ESYT3: variants seen among roughly 807,000 people sequenced by gnomAD.
ESYT3 encodes the protein extended synaptotagmin 3, also known as extended synaptotagmin-3.
Under a neutral mutation model 111.5 loss-of-function variants are expected in ESYT3, and 101 were observed. That is an observed-to-expected ratio of 0.91 (90% CI 0.77 to 1.07). The LOEUF is 1.07. Among genes scored for constraint, ESYT3 ranks in the 50% least tolerant of loss-of-function variants. The probability of loss-of-function intolerance (pLI) is 0.00; values close to 1 mark genes in which losing one functional copy is unlikely to be tolerated. For missense variants in ESYT3, 1,097 were observed against 1,109.4 expected (o/e 0.99, Z 0.16); for synonymous variants, 416 against 446.8 (o/e 0.93, Z 0.87).
chr3:138,459,284 TC>T, intron 5 of ESYT3, 31 bp downstream of exon 5: 1 of 1,504,834 alleles, frequency 6.6e-7, no homozygotes. Flanking sequence ...CTGCCTCTGT[TC>T]CAGCCCCCAG....
At chr3:138,474,154 C>T in intron 19 of ESYT3, 67 bp from the exon 20 acceptor site, 1 of 1,568,398 alleles carries the variant, frequency 6.4e-7, no homozygotes, top group South Asian at 1.2e-5. Flanking sequence ...CTGAAACTCT[C>T]AAATGTTCAG....
At chr3:138,462,006 G>C in intron 7 of ESYT3, 80 bp from the exon 8 acceptor site, 1 of 1,601,558 alleles carries the variant, frequency 6.2e-7, no homozygotes, top group Non-Finnish European at 8.5e-7. Context: ...TGGGCTCCTG[G>C]TTCCTGCTAG....
chr3:138,451,925 G>A, intron 1 of ESYT3, 123 bp from the exon 2 acceptor site: 3 of 1,078,242 alleles, frequency 2.8e-6, no homozygotes, highest in East Asian at 2.4e-5. Context: ...ACGTGGAGGC[G>A]GCGGGGAGGA....
At chr3:138,439,272 C>A (rs1000443858) in intron 1 of ESYT3, among the ~76,000 whole-genome samples, 1 of 152,148 alleles carries the variant, frequency 6.6e-6, no homozygotes, top group Non-Finnish European at 1.5e-5. Flanking sequence ...CCCAAGTGTC[C>A]CAGTGGTAAG....
In ESYT3 at chr3:138,469,444, C is replaced by G. The variant is rs753939011; in HGVS notation, c.1443C>G (p.Val481=). The change falls in exon 15 of 23, where the codon GTC becomes GTG. Residue 481 remains valine, a synonymous_variant. Transcript: ENST00000389567. ...KKLSRFARNK[V]SKDPSSYVKL... Reference sequence around the variant, plus strand: ...GATTTGATTCCTCACAGAACAAGGTCAGCAAAGACCCTTCTTCCTATGTCA... The same window carrying G: ...GATTTGATTCCTCACAGAACAAGGTGAGCAAAGACCCTTCTTCCTATGTCA... 6.2e-7 allele frequency: 1 copy of G among 1,613,846 alleles called. No individual in the cohort carries two copies.
At chr3:138,462,956 C>T (rs1434563203) in intron 8 of ESYT3, among the ~76,000 whole-genome samples, 1 of 152,204 alleles carries the variant, frequency 6.6e-6, no homozygotes, top group Non-Finnish European at 1.5e-5. Context: ...AGCCACCACA[C>T]CTGTCCTTTG....
At chr3:138,452,837 G>A (rs1289702897) in intron 2 of ESYT3, among the ~76,000 whole-genome samples, 2 of 152,206 alleles carry the variant, frequency 1.3e-5, no homozygotes, top group African/African-American at 2.4e-5. Flanking sequence ...GAATGACTTA[G>A]GTTAGGTATA....
At chr3:138,442,239 G>A (rs961743169) in intron 1 of ESYT3, among the ~76,000 whole-genome samples, 1 of 151,914 alleles carries the variant, frequency 6.6e-6, no homozygotes. Context: ...CAGTATGTTT[G>A]GGTGTGCTTC....
In ESYT3 at chr3:138,472,832, A is replaced by T. The variant is rs772051164; in HGVS notation, c.2210A>T (p.Asp737Val). The stretch of plus-strand genomic sequence containing the variant: ...AACTCCTTGGCCTCTTCTTGCTTTG[A>T]CCTGGCAGATATCAGCCTCAACATT... ...SLNSLASSCF[D>V]LADISLNIEG... Residue 737 changes from aspartate (D) to valine (V), a missense_variant, in exon 18 of 23, where the codon GAC becomes GTC. Asp to Val is a radical substitution (Grantham distance 152). Coordinates refer to ENST00000389567, the MANE Select transcript of ESYT3 (RefSeq NM_031913.5). The T allele has an allele frequency of 3.7e-6, 6 of 1,613,956 alleles. No individual in the cohort carries two copies. Among genetic ancestry groups the T allele is most frequent in the Non-Finnish European group, 5.1e-6 (6 of 1,179,996 alleles).
chr3:138,437,705 G>A (rs2030824635), intron 1 of ESYT3, among the ~76,000 whole-genome samples: 1 of 152,152 alleles, frequency 6.6e-6, no homozygotes, highest in South Asian at 2.1e-4. Context: ...AGGCCAGTTG[G>A]GAAGGTGATT....
rs1339136493 is a variant in ESYT3 at position 138,476,906 on chromosome 3, A to G, written c.*52A>G. 4.7e-6 allele frequency: 7 copies of G among 1,482,244 alleles called. No individual in the cohort carries two copies. In the East Asian group the frequency reaches 1.7e-4, roughly 37 times the overall value. 91.8% of individuals were successfully genotyped at this position (1,482,244 alleles called of 1,614,324 possible). A position where few individuals can be genotyped will look rare whatever the true frequency, so the allele number is the denominator to read the frequency against. ...TATATTAAAATGTATATATATGTAT[A>G]TATTTTTTCCTTTGGATCACTTACA... On this transcript the variant is annotated 3_prime_UTR_variant, in exon 23 of 23. Coordinates refer to ENST00000389567, the MANE Select transcript of ESYT3 (RefSeq NM_031913.5).
chr3:138,468,792 T>C (rs1235256740), intron 13 of ESYT3, 27 bp from the exon 14 acceptor site: 1 of 1,614,168 alleles, frequency 6.2e-7, no homozygotes, highest in East Asian at 2.2e-5. Flanking sequence ...CCTGTGTTGC[T>C]TTAACCCCGT....
rs1210203764 is a variant in ESYT3 at position 138,467,661 on chromosome 3, G to C, written c.1218+52G>C. ...GGGAGTTTCAAGGTAGCCCTTTCCT[G>C]TGGACAGCTCCAGCAGCTTGCTTCA... On this transcript the variant is annotated intron_variant, in intron 11 of 22. Transcript: ENST00000389567. 8.3e-6 allele frequency: 13 copies of C among 1,562,334 alleles called. No individual in the cohort carries two copies. In the South Asian group the frequency reaches 1.5e-4, roughly 17 times the overall value.
At chr3:138,460,754 G>A (rs2032587270) in intron 7 of ESYT3, 88 bp downstream of exon 7, 1 of 1,360,300 alleles carries the variant, frequency 7.4e-7, no homozygotes, top group South Asian at 1.2e-5. Context: ...TGCAATGGTG[G>A]TGCTTTCCCT....
chr3:138,467,058 G>A (rs1046213773), intron 10 of ESYT3, among the ~76,000 whole-genome samples: 7 of 152,166 alleles, frequency 4.6e-5, no homozygotes, highest in African/African-American at 1.2e-4. Context: ...GGAGGGGACA[G>A]ACATCCAAAC....
rs750974339 is a variant in ESYT3 at position 138,476,877 on chromosome 3, C to T, written c.*23C>T. On this transcript the variant is annotated 3_prime_UTR_variant, in exon 23 of 23. Coordinates refer to ENST00000389567, the MANE Select transcript of ESYT3 (RefSeq NM_031913.5). ...TGATGATGAGAATTCTTATCACTCA[C>T]CTTTATATTAAAATGTATATATATG... 3.7e-6 allele frequency: 6 copies of T among 1,606,156 alleles called. No individual in the cohort carries two copies. Among genetic ancestry groups the T allele is most frequent in the East Asian group, 2.2e-5 (1 of 44,840 alleles).
intron 3 of ESYT3, among the ~76,000 whole-genome samples, chr3:138,456,930 C>T (rs904088343): frequency 3.9e-5 from 6 of 152,130 alleles, no homozygotes; most frequent in Non-Finnish European, 8.8e-5. Flanking sequence ...TGTCCCAGCC[C>T]TGCAGGAGAA....
intron 1 of ESYT3, among the ~76,000 whole-genome samples, chr3:138,449,487 C>T (rs2031787092): frequency 6.6e-6 from 1 of 152,110 alleles, no homozygotes; most frequent in Admixed American, 6.5e-5. Flanking sequence ...ATACCAGGAG[C>T]TTGTGAAAAA....
intron 2 of ESYT3, among the ~76,000 whole-genome samples, chr3:138,452,424 C>A (rs2032004384): frequency 6.6e-6 from 1 of 152,190 alleles, no homozygotes; most frequent in Non-Finnish European, 1.5e-5. Flanking sequence ...GCCTGGTTTC[C>A]TGCCTAGATC....
Sources: allele counts gnomAD v4.1 joint callset (sites outside exome capture counted in the v4.1 genomes callset), GRCh38; gene constraint gnomAD v4.1.1; transcripts MANE v1.5; gene names NCBI Gene and HGNC (gene_info 2026-07-23, HGNC 2026-07-21).